Variants in CNGB3 observed in about 807,000 individuals in gnomAD.
CNGB3 encodes the protein cyclic nucleotide-gated channel beta-3.
In CNGB3, 86 loss-of-function variants were observed where a neutral mutation model predicts 92.8. The observed-to-expected ratio is 0.93, with a 90% CI of 0.78 to 1.11. The LOEUF (loss-of-function observed/expected upper bound fraction) is 1.11. Ranked by LOEUF, CNGB3 falls within the 50% of genes least tolerant of loss-of-function variation. The probability of loss-of-function intolerance (pLI) is 0.00; values close to 1 mark genes in which losing one functional copy is unlikely to be tolerated. For missense variants in CNGB3, 1,026 were observed against 956.8 expected (o/e 1.07, Z -0.95); for synonymous variants, 333 against 332.7 (o/e 1.00, Z -0.01).
intron 2 of CNGB3, among the ~76,000 whole-genome samples, chr8:86,731,189 A>G (rs1400989172): frequency 1.2e-4 from 19 of 152,212 alleles, no homozygotes; most frequent in Non-Finnish European, 1.5e-5. Flanking sequence ...ACCCTCAAAC[A>G]TTCTAGCAAC....
At chr8:86,622,985 G>A (rs902307465) in intron 13 of CNGB3, among the ~76,000 whole-genome samples, 4 of 152,086 alleles carry the variant, frequency 2.6e-5, no homozygotes, top group African/African-American at 9.7e-5. Context: ...TTAGAGTCAT[G>A]GGTTAACCTA....
In CNGB3 at chr8:86,714,764, A is replaced by G. The variant is rs188994077; in HGVS notation, c.338+11767T>C. Among the ~76,000 whole-genome samples, 155 of 152,276 alleles carry G rather than the reference A, an allele frequency of 1.0e-3. 1 individual carries two copies. In the East Asian group the frequency reaches 0.023, roughly 22 times the overall value. ...TCTGGGCAAGTTCTCAGCCCTGGTC[A>G]CTGGCTGCCTGGAAATAGACTCAGT... On this transcript the variant is annotated intron_variant, in intron 3 of 17. Coordinates refer to ENST00000320005, the MANE Select transcript of CNGB3 (RefSeq NM_019098.5).
intron 3 of CNGB3, among the ~76,000 whole-genome samples, chr8:86,673,529 A>C (rs1441325254): frequency 2.0e-5 from 3 of 152,110 alleles, no homozygotes; most frequent in Non-Finnish European, 4.4e-5. Context: ...TCTATTGAGG[A>C]GTTTAGACAT....
rs149173480 is a variant in CNGB3, at chr8:86,574,327, A to C, written c.*1477T>G. ...TTCTACCTTTTGTTTCTGGGTTTTT[A>C]AATCACCCTTTTTATACGCAATTCA... On this transcript the variant is annotated 3_prime_UTR_variant, in exon 18 of 18. Transcript: ENST00000320005. 203 of 152,216 alleles carry C rather than the reference A, an allele frequency of 1.3e-3. 2 individuals carry two copies. Among genetic ancestry groups the C allele is most frequent in the African/African-American group, 4.5e-3 (189 of 41,550 alleles). 9.4% of individuals were successfully genotyped at this position (152,216 alleles called of 1,614,324 possible). A position where few individuals can be genotyped will look rare whatever the true frequency, so the allele number is the denominator to read the frequency against.
At chr8:86,695,082 G>C (rs1824422893) in intron 3 of CNGB3, among the ~76,000 whole-genome samples, 1 of 152,220 alleles carries the variant, frequency 6.6e-6, no homozygotes, top group Non-Finnish European at 1.5e-5. Context: ...ATCACTCGCG[G>C]TAAGGAGCTG....
In CNGB3 at chr8:86,604,204, A is replaced by G. The variant is rs779334711; in HGVS notation, c.1670T>C (p.Ile557Thr). The G allele has an allele frequency of 3.8e-6, 6 of 1,595,374 alleles. No individual in the cohort carries two copies. The highest frequency in any genetic ancestry group is 5.2e-6 in the Non-Finnish European group (6 of 1,163,272). ...CTTGATGATATACATTTCCTTGCCAATTTCTCCCTACATTTTAAATATAAA... is the reference window on the plus strand; with the variant it reads ...CTTGATGATATACATTTCCTTGCCAGTTTCTCCCTACATTTTAAATATAAA... The part of the protein sequence containing the change: ...PGDFVCKKGE[I>T]GKEMYIIKHG... The change falls in exon 15 of 18, where the codon ATT (isoleucine) becomes ACT (threonine). Residue 557 changes from isoleucine to threonine, a missense_variant. Transcript: ENST00000320005.
intron 15 of CNGB3, chr8:86,593,744 C>G (rs887823934): frequency 8.5e-7 from 1 of 1,179,136 alleles, no homozygotes; most frequent in Non-Finnish European, 1.2e-6. Context: ...GTGGAAGAAG[C>G]GTCACCAGCT....
intron 6 of CNGB3, chr8:86,660,555 A>G (rs1823618985): frequency 1.9e-6 from 1 of 534,068 alleles, no homozygotes; most frequent in South Asian, 1.4e-5. Flanking sequence ...ATGGAATTAT[A>G]GGATTGTTGG....
At chr8:86,603,623 G>T (rs957531610) in intron 15 of CNGB3, among the ~76,000 whole-genome samples, 1 of 152,168 alleles carries the variant, frequency 6.6e-6, no homozygotes, top group Non-Finnish European at 1.5e-5. Flanking sequence ...TTAAGGTGAG[G>T]AAACTGAGGA....
intron 6 of CNGB3, chr8:86,661,687 T>C: frequency 9.1e-7 from 1 of 1,093,014 alleles, no homozygotes; most frequent in Non-Finnish European, 1.4e-6. Flanking sequence ...CCTCTTCTTC[T>C]GAAGTCACTT....
intron 3 of CNGB3, chr8:86,704,232 A>T (rs1824611340): frequency 6.6e-6 from 1 of 152,266 alleles, no homozygotes; most frequent in Admixed American, 6.5e-5. Context: ...ACTATTGCCT[A>T]AGTGGAAGTG....
At chr8:86,700,875 A>G (rs775742123) in intron 3 of CNGB3, among the ~76,000 whole-genome samples, 2 of 152,146 alleles carry the variant, frequency 1.3e-5, no homozygotes, top group Non-Finnish European at 2.9e-5. Flanking sequence ...CCTGGCCTCA[A>G]ATGATCTGCC....
intron 6 of CNGB3, chr8:86,659,929 G>A: frequency 2.8e-6 from 1 of 356,212 alleles, no homozygotes; most frequent in Non-Finnish European, 5.6e-6. Flanking sequence ...CAATTGAGCT[G>A]TTGAAGAGTT....
At chr8:86,657,470 G>A (rs886798169) in intron 6 of CNGB3, 7 of 518,062 alleles carry the variant, frequency 1.4e-5, no homozygotes, top group Non-Finnish European at 2.8e-5. Flanking sequence ...GTGCTCCTGG[G>A]GGTTCTGCAT....
intron 6 of CNGB3, chr8:86,658,375 G>A (rs1823562021): frequency 2.3e-6 from 1 of 437,418 alleles, no homozygotes. Flanking sequence ...TCCCCATGGA[G>A]AGCCATGAGG....
chr8:86,709,512 G>A (rs565824677), intron 3 of CNGB3, among the ~76,000 whole-genome samples: 1 of 152,280 alleles, frequency 6.6e-6, no homozygotes, highest in South Asian at 2.1e-4. Flanking sequence ...GAATCATTAG[G>A]CTAGGTAGAA....
intron 13 of CNGB3, among the ~76,000 whole-genome samples, chr8:86,618,882 G>A (rs3779802): frequency 0.29 from 43,676 of 152,018 alleles, 7,160 homozygotes; most frequent in Non-Finnish European, 0.37. Context: ...CTGCCATTCC[G>A]GTTCTCTTCT....
intron 8 of CNGB3, among the ~76,000 whole-genome samples, chr8:86,645,440 A>G (rs891638352): frequency 6.0e-5 from 9 of 151,176 alleles, no homozygotes; most frequent in Non-Finnish European, 8.9e-5. Context: ...GTCTCTTGCT[A>G]TTTCCGTGTC....
intron 14 of CNGB3, among the ~76,000 whole-genome samples, chr8:86,610,600 C>T (rs187411004): frequency 0.013 from 1,926 of 151,814 alleles, 45 homozygotes; most frequent in African/African-American, 0.044. Context: ...TAGCATTTAA[C>T]ACATTATTTT....
Sources: allele counts gnomAD v4.1 joint callset (sites outside exome capture counted in the v4.1 genomes callset), GRCh38; gene constraint gnomAD v4.1.1; transcripts MANE v1.5; gene names NCBI Gene and HGNC (gene_info 2026-07-23, HGNC 2026-07-21).